Variants in EXOC6 observed in about 807,000 individuals in gnomAD.
EXOC6 encodes SEC15-like 1.
EXOC6 carries 60 observed loss-of-function variants against 112.5 expected under a neutral mutation model. The ratio of observed to expected loss-of-function variants is 0.53; its 90% CI spans 0.43 to 0.66. The LOEUF is 0.66. Among genes scored for constraint, EXOC6 ranks in the 30% least tolerant of loss-of-function variants. The probability of loss-of-function intolerance (pLI) is 0.00; values close to 1 mark genes in which losing one functional copy is unlikely to be tolerated. For missense variants in EXOC6, 855 were observed against 957.1 expected, an observed-to-expected ratio of 0.89 and a Z score of 1.41; for synonymous variants, 295 against 308.0, an observed-to-expected ratio of 0.96 and a Z score of 0.44.
intron 18 of EXOC6, among the ~76,000 whole-genome samples, chr10:92,974,941 C>A (rs1435900908): frequency 2.6e-5 from 4 of 152,214 alleles, no homozygotes; most frequent in African/African-American, 9.6e-5. Flanking sequence ...AGCCACCTGC[C>A]TTGGCCTCCC....
chr10:92,984,990 C>T (rs1407989800), intron 18 of EXOC6, among the ~76,000 whole-genome samples: 1 of 150,910 alleles, frequency 6.6e-6, no homozygotes, highest in African/African-American at 2.5e-5. Context: ...CAGAGCAAGA[C>T]CTTGTCTCAA....
intron 8 of EXOC6, among the ~76,000 whole-genome samples, chr10:92,921,254 T>TTG (rs1374146555): frequency 2.0e-5 from 3 of 150,476 alleles, no homozygotes; most frequent in East Asian, 3.9e-4. Context: ...CCTTTTTTTT[T>TTG]TTTTTTTGTG....
intron 20 of EXOC6, among the ~76,000 whole-genome samples, chr10:93,025,543 C>T (rs1229537544): frequency 6.6e-6 from 1 of 152,078 alleles, no homozygotes; most frequent in African/African-American, 2.4e-5. Context: ...CAAATATAAT[C>T]CTATGCCACA....
intron 5 of EXOC6, 83 bp from the exon 6 acceptor site, chr10:92,909,344 T>G: frequency 2.1e-6 from 2 of 972,816 alleles, no homozygotes; most frequent in Non-Finnish European, 3.1e-6. Flanking sequence ...GAATAATCAG[T>G]GTAAAACTGA....
intron 17 of EXOC6, among the ~76,000 whole-genome samples, chr10:92,973,437 T>G (rs1386992773): frequency 6.6e-6 from 1 of 152,248 alleles, no homozygotes; most frequent in Non-Finnish European, 1.5e-5. Flanking sequence ...AGTTTTGAAC[T>G]AATTTTCAGA....
intron 17 of EXOC6, 117 bp downstream of exon 17, chr10:92,955,831 G>A (rs1478503982): frequency 3.3e-6 from 3 of 896,254 alleles, no homozygotes; most frequent in East Asian, 2.8e-5. Context: ...TAAGAATAGA[G>A]GTATTCATTG....
At chr10:92,911,938 CGTGTGTGTGTGTGTGTGTGT>C (rs72368133) in intron 6 of EXOC6, among the ~76,000 whole-genome samples, 2 of 136,130 alleles carry the variant, frequency 1.5e-5, no homozygotes, top group Non-Finnish European at 3.1e-5. Flanking sequence ...TCTCTGTGTG[CGTGTGTGTGTGTGTGTGTGT>C]GTGTGTGTGT....
intron 1 of EXOC6, among the ~76,000 whole-genome samples, chr10:92,862,359 C>T (rs895717673): frequency 6.6e-6 from 1 of 151,194 alleles, no homozygotes; most frequent in Non-Finnish European, 1.5e-5. Flanking sequence ...TATGTTAAAA[C>T]CTAAATCACC....
At chr10:93,017,103 A>G (rs1844562599) in intron 20 of EXOC6, among the ~76,000 whole-genome samples, 1 of 151,540 alleles carries the variant, frequency 6.6e-6, no homozygotes, top group South Asian at 2.1e-4. Context: ...GGTGTGAGCC[A>G]CTGCACTCAG....
At chr10:92,965,908 C>T (rs1291234657) in intron 17 of EXOC6, among the ~76,000 whole-genome samples, 1 of 152,146 alleles carries the variant, frequency 6.6e-6, no homozygotes, top group Non-Finnish European at 1.5e-5. Flanking sequence ...CATATTCCTG[C>T]TCGGGAGTGC....
intron 5 of EXOC6, among the ~76,000 whole-genome samples, chr10:92,904,300 A>C (rs1172317808): frequency 6.6e-6 from 1 of 152,084 alleles, no homozygotes; most frequent in Non-Finnish European, 1.5e-5. Context: ...ATTTTCAATT[A>C]ATGTGGGTAA....
intron 1 of EXOC6, among the ~76,000 whole-genome samples, chr10:92,849,314 TTTAC>T (rs1191653703): frequency 6.6e-6 from 1 of 152,218 alleles, no homozygotes; most frequent in African/African-American, 2.4e-5. Flanking sequence ...CAGAACAGCT[TTTAC>T]TTATTTACAA....
chr10:92,934,164 T>A lies in EXOC6; in HGVS notation c.993T>A (p.Tyr331Ter). The A allele has an allele frequency of 1.9e-6, 3 of 1,543,706 alleles. No individual in the cohort carries two copies. Among genetic ancestry groups the A allele is most frequent in the Non-Finnish European group, 2.7e-6 (3 of 1,125,584 alleles). The change falls in exon 10 of 22, where the codon TAT becomes TAA. Residue 331 changes from tyrosine (Y) to a stop codon, truncating the protein, a stop_gained. Transcript: ENST00000260762. LOFTEE classifies it high-confidence loss of function. ...TTAAGCATGAAACAGTTGATGGCTA[T>A]AGAAGATATTTCACTCAAATTGTAG... ...QSNMHETVDG[Y>*]RRYFTQIVGF...
rs1298133824 is a variant in EXOC6 at position 92,840,023 on chromosome 10, T to A, written c.86+5199T>A. ...CAGGCACTTTTCCAAAAGCTGACCA[T>A]GAAGTTTTATCAGTTTAAGAGCAAA... On this transcript the variant is annotated intron_variant, in intron 1 of 21. Coordinates refer to the EXOC6 transcript ENST00000371552. Among the ~76,000 whole-genome samples, 3 of 152,088 alleles carry A rather than the reference T, an allele frequency of 2.0e-5. No individual in the cohort carries two copies. The South Asian group carries it at 6.2e-4, about 31-fold the overall frequency.
intron 6 of EXOC6, among the ~76,000 whole-genome samples, chr10:92,912,322 GCTCT>G (rs1197718904): frequency 6.6e-6 from 1 of 152,052 alleles, no homozygotes; most frequent in African/African-American, 2.4e-5. Flanking sequence ...ATGCAACGGG[GCTCT>G]CTATTTGTTC....
intron 19 of EXOC6, among the ~76,000 whole-genome samples, chr10:93,013,424 G>A (rs934094304): frequency 1.3e-5 from 2 of 151,902 alleles, no homozygotes; most frequent in Admixed American, 1.3e-4. Context: ...TGGGCAACAT[G>A]GTGAAACTCC....
At chr10:92,846,942 A>C (rs1262405823), upstream of EXOC6, among the ~76,000 whole-genome samples, 1 of 152,210 alleles carries the variant, frequency 6.6e-6, no homozygotes, top group Non-Finnish European at 1.5e-5. Flanking sequence ...GGAAGATGTG[A>C]CCACAGAAGA....
chr10:93,013,485 G>A (rs1010789264), intron 19 of EXOC6, among the ~76,000 whole-genome samples: 2 of 152,150 alleles, frequency 1.3e-5, no homozygotes, highest in South Asian at 2.1e-4. Flanking sequence ...GCATGCGCCT[G>A]TAGTCCCAGC....
intron 20 of EXOC6, among the ~76,000 whole-genome samples, chr10:93,048,081 C>T (rs916164049): frequency 6.6e-6 from 1 of 152,122 alleles, no homozygotes; most frequent in African/African-American, 2.4e-5. Flanking sequence ...CTCTTACGTT[C>T]AGTACTCTCA....
Sources: gnomAD v4.1 joint callset for allele counts (sites outside exome capture counted in the v4.1 genomes callset) on GRCh38, gnomAD v4.1.1 for gene constraint, MANE v1.5 for transcripts, NCBI Gene and HGNC (gene_info 2026-07-23, HGNC 2026-07-21) for gene names.